The following UBR3 variants were observed in gnomAD, a reference collection of about 807,000 sequenced individuals.
UBR3 encodes ubiquitin protein ligase E3 component n-recognin 3.
Under a neutral mutation model 243.2 loss-of-function variants are expected in UBR3, and 85 were observed. The observed-to-expected ratio is 0.35, with a 90% CI of 0.29 to 0.42. The LOEUF is 0.42. Ranked by LOEUF, UBR3 falls within the 10% of genes least tolerant of loss-of-function variation. UBR3 has a pLI of 1.00. For missense variants in UBR3, 1,686 were observed against 2,300.8 expected, an observed-to-expected ratio of 0.73 and a Z score of 5.47; for synonymous variants, 748 against 799.8, an observed-to-expected ratio of 0.94 and a Z score of 1.09.
intron 1 of UBR3, among the ~76,000 whole-genome samples, chr2:169,832,416 G>A (rs1356511136): frequency 6.6e-6 from 1 of 152,020 alleles, no homozygotes; most frequent in Non-Finnish European, 1.5e-5. Flanking sequence ...CAGGCGTGGT[G>A]GTGGGTGCCT....
chr2:169,987,008 T>C (rs1410947861), intron 25 of UBR3, among the ~76,000 whole-genome samples: 1 of 152,184 alleles, frequency 6.6e-6, no homozygotes, highest in Non-Finnish European at 1.5e-5. Flanking sequence ...GATCTTGCTG[T>C]ATGGTTTCAC....
At chr2:170,056,435 T>C (rs2091337979) in intron 33 of UBR3, among the ~76,000 whole-genome samples, 1 of 152,240 alleles carries the variant, frequency 6.6e-6, no homozygotes, top group South Asian at 2.1e-4. Flanking sequence ...AGAAAAATTA[T>C]GCTAAATGTA....
At chr2:169,890,865 C>T (rs1053789979) in intron 5 of UBR3, among the ~76,000 whole-genome samples, 4 of 149,400 alleles carry the variant, frequency 2.7e-5, no homozygotes, top group Non-Finnish European at 6.0e-5. Context: ...TTTGTGCATT[C>T]GATGTTAATT....
chr2:169,846,573 G>A lies in UBR3; in HGVS notation c.545+18521G>A, dbSNP rs551345174. 5.9e-5 allele frequency among the ~76,000 whole-genome samples: 9 copies of A among 152,186 alleles called. No individual in the cohort carries two copies. In the South Asian group the frequency reaches 1.9e-3, roughly 32 times the overall value. ...AAAAAGGCAAAAATTAGCCGGACGT[G>A]GTGGCATGTGCCTGTAATCCCAGCT... On this transcript the variant is annotated intron_variant, in intron 1 of 38. Transcript: ENST00000272793.
chr2:169,887,406 C>T (rs961588190), intron 5 of UBR3, among the ~76,000 whole-genome samples: 1 of 152,206 alleles, frequency 6.6e-6, no homozygotes, highest in African/African-American at 2.4e-5. Context: ...CTTAGCTCCA[C>T]ATCATGAATT....
chr2:169,921,933 G>A (rs1011894778), intron 11 of UBR3, among the ~76,000 whole-genome samples: 5 of 152,186 alleles, frequency 3.3e-5, no homozygotes, highest in East Asian at 3.9e-4. Flanking sequence ...AGAGGTTGCA[G>A]TGAGCTGAGA....
At chr2:169,922,285 AT>A (rs1169031312) in intron 11 of UBR3, among the ~76,000 whole-genome samples, 36 of 145,166 alleles carry the variant, frequency 2.5e-4, no homozygotes, top group African/African-American at 9.4e-4. Flanking sequence ...GACCCTGTCT[AT>A]TTAAAAAAAA....
chr2:169,889,001 T>C (rs1459190210), intron 5 of UBR3, among the ~76,000 whole-genome samples: 1 of 152,216 alleles, frequency 6.6e-6, no homozygotes, highest in Non-Finnish European at 1.5e-5. Context: ...TTTCTTTGGG[T>C]TAAATTCCTA....
chr2:170,074,760 G>A (rs1343085546), intron 36 of UBR3, among the ~76,000 whole-genome samples: 1 of 151,352 alleles, frequency 6.6e-6, no homozygotes, highest in African/African-American at 2.4e-5. Context: ...TTTTTCTGTT[G>A]TTCTATAAGG....
At chr2:169,860,807 TA>T (rs2083060834) in intron 1 of UBR3, among the ~76,000 whole-genome samples, 1 of 152,020 alleles carries the variant, frequency 6.6e-6, no homozygotes, top group Non-Finnish European at 1.5e-5. Context: ...AATCACAAGG[TA>T]AAGTCCCACG....
chr2:169,837,217 C>T (rs2082139097), intron 1 of UBR3, among the ~76,000 whole-genome samples: 1 of 152,258 alleles, frequency 6.6e-6, no homozygotes, highest in Admixed American at 6.5e-5. Flanking sequence ...AGGCTCACGC[C>T]TGTAATCCCA....
At position 169,907,369 on chromosome 2, in the gene UBR3, T is replaced by C. The variant is rs77322494; in HGVS notation, c.1779+1205T>C. Among the ~76,000 whole-genome samples, 270 of 152,268 alleles carry C rather than the reference T, an allele frequency of 1.8e-3. 3 individuals are homozygous for C. The East Asian group carries it at 0.046, about 26-fold the overall frequency. On this transcript the variant is annotated intron_variant, in intron 10 of 38. Coordinates refer to ENST00000272793, the MANE Select transcript of UBR3 (RefSeq NM_172070.4). ...CATATGATATTTCCTTTTGTGCCCT[T>C]TTTGTCATTTAATGGTATCTTAAAT... is the stretch of plus-strand genomic sequence containing the variant.
chr2:169,947,852 T>G, intron 22 of UBR3, 137 bp downstream of exon 22: 1 of 1,238,190 alleles, frequency 8.1e-7, no homozygotes, highest in Non-Finnish European at 1.0e-6. Context: ...TTATTTCCTC[T>G]GATATATCTA....
intron 11 of UBR3, among the ~76,000 whole-genome samples, chr2:169,916,064 T>C (rs971421562): frequency 6.6e-6 from 1 of 152,184 alleles, no homozygotes; most frequent in African/African-American, 2.4e-5. Flanking sequence ...TGTGGAACAG[T>C]ATTTAGAAAA....
intron 31 of UBR3, among the ~76,000 whole-genome samples, chr2:170,030,582 A>G (rs1405060411): frequency 6.6e-6 from 1 of 152,160 alleles, no homozygotes; most frequent in Non-Finnish European, 1.5e-5. Context: ...TAACTAAAGT[A>G]TAGCCTCGAT....
chr2:169,881,613 CTT>C (rs779216560), intron 5 of UBR3, among the ~76,000 whole-genome samples: 19 of 114,632 alleles, frequency 1.7e-4, no homozygotes, highest in Admixed American at 2.7e-4. Flanking sequence ...CCGTATGTTT[CTT>C]TTTTTTTTTT....
intron 1 of UBR3, among the ~76,000 whole-genome samples, chr2:169,833,968 T>G (rs895844407): frequency 5.9e-5 from 9 of 152,022 alleles, no homozygotes; most frequent in Non-Finnish European, 1.2e-4. Context: ...TTGTATTTTT[T>G]GTAGAGATGG....
At chr2:169,862,307 TC>T (rs2083120874) in intron 1 of UBR3, among the ~76,000 whole-genome samples, 2 of 152,218 alleles carry the variant, frequency 1.3e-5, no homozygotes, top group African/African-American at 4.8e-5. Context: ...TTAGAATTTA[TC>T]TAACAGTTTT....
chr2:170,054,374 C>T lies in UBR3; in HGVS notation c.4661-1086C>T, dbSNP rs968108808. Reference sequence around the variant, plus strand: ...TTGGCTCACTGCAACCTCCGCCTCCCGGGTTCAAGCGATTCTCCTGCCTCA... The same window carrying T: ...TTGGCTCACTGCAACCTCCGCCTCCTGGGTTCAAGCGATTCTCCTGCCTCA... On this transcript the variant is annotated intron_variant, in intron 32 of 38. Transcript: ENST00000272793. Among the ~76,000 whole-genome samples the T allele has an allele frequency of 5.3e-5, 8 of 151,828 alleles. No individual in the cohort carries two copies. The South Asian group carries it at 6.2e-4, about 12-fold the overall frequency.
Sources: allele counts gnomAD v4.1 joint callset (sites outside exome capture counted in the v4.1 genomes callset), GRCh38; gene constraint gnomAD v4.1.1; transcripts MANE v1.5; gene names NCBI Gene and HGNC (gene_info 2026-07-23, HGNC 2026-07-21).